Variants in RAB38 observed in about 807,000 individuals in gnomAD.
RAB38 encodes ras-related protein Rab-38.
A neutral mutation model predicts 18.4 loss-of-function variants in RAB38; 15 were observed. The ratio of observed to expected loss-of-function variants is 0.82; its 90% CI spans 0.55 to 1.26. RAB38 has a LOEUF of 1.26. RAB38 is among the 50% of genes most tolerant of loss of function. The pLI, the probability that RAB38 is intolerant of heterozygous loss-of-function variation, is 0.00. For missense variants in RAB38, 294 were observed against 267.4 expected, an observed-to-expected ratio of 1.10 and a Z score of -0.69; for synonymous variants, 101 against 104.4, an observed-to-expected ratio of 0.97 and a Z score of 0.20.
At chr11:87,954,239 A>G in the RAB38 span, among the ~76,000 whole-genome samples, 3 of 152,156 alleles carry the variant, frequency 2.0e-5, no homozygotes, top group Non-Finnish European at 4.4e-5. Context: ...AGGACGATGC[A>G]TCCACCCTGC....
the RAB38 span, among the ~76,000 whole-genome samples, chr11:87,924,626 A>G: frequency 6.6e-6 from 1 of 152,008 alleles, no homozygotes; most frequent in Admixed American, 6.6e-5. Flanking sequence ...GCCTTTCTCT[A>G]CTTTGCAGGA....
the RAB38 span, among the ~76,000 whole-genome samples, chr11:87,891,319 A>T: frequency 6.6e-6 from 1 of 151,874 alleles, no homozygotes; most frequent in African/African-American, 2.4e-5. Context: ...CAAGGAAAAA[A>T]ATATAGATAT....
At chr11:88,105,951 G>A in the RAB38 span, among the ~76,000 whole-genome samples, 88 of 152,140 alleles carry the variant, frequency 5.8e-4, no homozygotes, top group Non-Finnish European at 7.4e-4. Flanking sequence ...GTTTTGAAAA[G>A]ATATAATACC....
chr11:87,862,982 C>T, the RAB38 span, among the ~76,000 whole-genome samples: 3 of 151,910 alleles, frequency 2.0e-5, no homozygotes, highest in East Asian at 5.9e-4. Flanking sequence ...TATATGCAGT[C>T]CATCTGCACT....
At chr11:87,842,898 G>T in the RAB38 span, among the ~76,000 whole-genome samples, 3 of 151,844 alleles carry the variant, frequency 2.0e-5, no homozygotes, top group East Asian at 5.8e-4. Context: ...TTTTATAAAA[G>T]ATGTGAAATT....
the RAB38 span, among the ~76,000 whole-genome samples, chr11:87,861,572 G>T: frequency 6.6e-6 from 1 of 151,824 alleles, no homozygotes; most frequent in African/African-American, 2.4e-5. Context: ...AGGGCATTTT[G>T]CTTGTTGACT....
At chr11:88,075,925 A>C in the RAB38 span, among the ~76,000 whole-genome samples, 1 of 151,722 alleles carries the variant, frequency 6.6e-6, no homozygotes, top group East Asian at 1.9e-4. Context: ...ACTTCAAACA[A>C]CCTAATGATG....
the RAB38 span, among the ~76,000 whole-genome samples, chr11:88,030,897 A>T: frequency 6.6e-6 from 1 of 151,846 alleles, no homozygotes; most frequent in African/African-American, 2.4e-5. Context: ...CATCATCCTG[A>T]TACCAAAGCG....
chr11:87,959,135 C>A, the RAB38 span, among the ~76,000 whole-genome samples: 14 of 152,118 alleles, frequency 9.2e-5, no homozygotes, highest in Admixed American at 9.2e-4. Context: ...GGGCCCATAG[C>A]TGCACAGTAA....
At chr11:87,856,075 ATGT>A in the RAB38 span, among the ~76,000 whole-genome samples, 3 of 152,186 alleles carry the variant, frequency 2.0e-5, no homozygotes, top group South Asian at 6.2e-4. Flanking sequence ...TTAAAGGTAC[ATGT>A]TGTGGTAAGG....
At chr11:88,124,866 T>A (rs1942675818) in intron 2 of RAB38, among the ~76,000 whole-genome samples, 1 of 152,212 alleles carries the variant, frequency 6.6e-6, no homozygotes, top group Admixed American at 6.5e-5. Flanking sequence ...CAGCAAATAA[T>A]CATTGAGCAC....
At chr11:88,106,111 A>C in the RAB38 span, among the ~76,000 whole-genome samples, 1 of 152,042 alleles carries the variant, frequency 6.6e-6, no homozygotes, top group Non-Finnish European at 1.5e-5. Context: ...CCTTCCCCCA[A>C]TGAAACTGTA....
At chr11:87,965,358 C>T in the RAB38 span, among the ~76,000 whole-genome samples, 5 of 151,676 alleles carry the variant, frequency 3.3e-5, no homozygotes, top group Admixed American at 6.6e-5. Context: ...AATGATAATT[C>T]TCCACTCTGG....
chr11:88,163,650 A>T (rs1026779061), intron 1 of RAB38, among the ~76,000 whole-genome samples: 76 of 152,290 alleles, frequency 5.0e-4, no homozygotes, highest in African/African-American at 1.8e-3. Flanking sequence ...AAAGGTAAAT[A>T]TTGACTTTAT....
chr11:88,086,955 T>C, the RAB38 span, among the ~76,000 whole-genome samples: 1 of 148,358 alleles, frequency 6.7e-6, no homozygotes, highest in African/African-American at 2.6e-5. Flanking sequence ...AAAAGCAGGC[T>C]GGACAATGCT....
chr11:88,056,844 C>A, the RAB38 span, among the ~76,000 whole-genome samples: 11 of 42,008 alleles, frequency 2.6e-4, no homozygotes, highest in African/African-American at 4.7e-4. Flanking sequence ...TACATACATA[C>A]ATACATACAT....
chr11:88,007,166 TA>T, the RAB38 span, among the ~76,000 whole-genome samples: 2 of 151,780 alleles, frequency 1.3e-5, no homozygotes, highest in Non-Finnish European at 3.0e-5. Flanking sequence ...AATTACACTA[TA>T]GAACTAAATA....
chr11:87,835,518 C>G, the RAB38 span, among the ~76,000 whole-genome samples: 1 of 152,286 alleles, frequency 6.6e-6, no homozygotes, highest in East Asian at 1.9e-4. Flanking sequence ...GTTCTAACCC[C>G]TAGTACGTCA....
the RAB38 span, chr11:87,816,926 G>A: frequency 6.6e-6 from 1 of 152,042 alleles, no homozygotes; most frequent in Non-Finnish European, 1.5e-5. Flanking sequence ...GAAGACCACT[G>A]TGCTAGAACA....
Sources: allele counts gnomAD v4.1 joint callset (sites outside exome capture counted in the v4.1 genomes callset), GRCh38; gene constraint gnomAD v4.1.1; transcripts MANE v1.5; gene names NCBI Gene and HGNC (gene_info 2026-07-23, HGNC 2026-07-21).